The following BRINP1 variants were observed in gnomAD, a reference collection of about 807,000 sequenced individuals.
BRINP1 encodes BMP/retinoic acid-inducible neural-specific protein 1.
In BRINP1, 17 loss-of-function variants were observed where a neutral mutation model predicts 72.9. The ratio of observed to expected loss-of-function variants is 0.23; its 90% CI spans 0.16 to 0.35. BRINP1 has a LOEUF of 0.35. BRINP1 is among the 10% of genes least tolerant of loss of function. The probability of loss-of-function intolerance (pLI) is 1.00; values close to 1 mark genes in which losing one functional copy is unlikely to be tolerated. For synonymous variants in BRINP1, 418 were observed against 378.5 expected, an observed-to-expected ratio of 1.10 and a Z score of -1.21; for missense variants, 850 against 1,001.6, an observed-to-expected ratio of 0.85 and a Z score of 2.04.
intron 1 of BRINP1, among the ~76,000 whole-genome samples, chr9:119,329,229 T>C (rs1010374110): frequency 6.6e-6 from 1 of 152,166 alleles, no homozygotes; most frequent in Non-Finnish European, 1.5e-5. Context: ...TGAATCCAAA[T>C]TCCAATATTT....
At chr9:119,233,102 G>A (rs1354565682) in intron 5 of BRINP1, among the ~76,000 whole-genome samples, 1 of 151,328 alleles carries the variant, frequency 6.6e-6, no homozygotes, top group African/African-American at 2.4e-5. Flanking sequence ...AAAGTCATTA[G>A]AGTGCCATTG....
At chr9:119,362,716 G>A (rs1186934931) in intron 1 of BRINP1, among the ~76,000 whole-genome samples, 1 of 152,012 alleles carries the variant, frequency 6.6e-6, no homozygotes, top group Non-Finnish European at 1.5e-5. Context: ...CCCTACTCTT[G>A]TTTCTCCTCC....
intron 1 of BRINP1, among the ~76,000 whole-genome samples, chr9:119,333,462 C>CA (rs544546221): frequency 0.073 from 4,881 of 67,138 alleles, 150 homozygotes; most frequent in Non-Finnish European, 0.1. Context: ...GACCTTGTTT[C>CA]AAAAAAAAAA....
rs1830015626 is a variant in BRINP1 at position 119,219,449 on chromosome 9, T to A, written c.686-5294A>T. 2.6e-5 allele frequency among the ~76,000 whole-genome samples: 4 copies of A among 152,212 alleles called. No homozygotes were observed. In the South Asian group the frequency reaches 8.3e-4, roughly 32 times the overall value. ...TCTTCTATTAATTTTCCTTCCTTCC[T>A]TCCTGTTTTCCTTCTTTCCTCATTT... On this transcript the variant is annotated intron_variant, in intron 5 of 7. Coordinates refer to ENST00000265922, the MANE Select transcript of BRINP1 (RefSeq NM_014618.3).
intron 1 of BRINP1, among the ~76,000 whole-genome samples, chr9:119,353,590 A>T (rs1460355798): frequency 6.6e-6 from 1 of 152,148 alleles, no homozygotes; most frequent in African/African-American, 2.4e-5. Context: ...TGAGAAATTA[A>T]GAAAACTGTT....
intron 7 of BRINP1, among the ~76,000 whole-genome samples, chr9:119,171,562 A>T (rs1440520028): frequency 1.4e-5 from 2 of 146,942 alleles, no homozygotes; most frequent in Non-Finnish European, 3.0e-5. Flanking sequence ...TGTCAACATT[A>T]GACAGATCAA....
intron 2 of BRINP1, among the ~76,000 whole-genome samples, chr9:119,250,100 GAAA>G (rs1564228752): frequency 2.3e-5 from 2 of 86,240 alleles, no homozygotes; most frequent in Non-Finnish European, 5.1e-5. Flanking sequence ...AAGGAAGGAA[GAAA>G]AGGAAGGAGG....
At chr9:119,172,308 A>C (rs1011227706) in intron 7 of BRINP1, among the ~76,000 whole-genome samples, 1 of 152,008 alleles carries the variant, frequency 6.6e-6, no homozygotes. Context: ...TATCACCACC[A>C]ATCCCACAGA....
rs781329685 is a variant in BRINP1 at position 119,313,172 on chromosome 9, G to T, written c.184C>A (p.Arg62Ser). ...TTATATCTGGTTGTAAATCCTTGAC[G>T]GTGTCTTTCCACAAAGGATAGGTAG... is the stretch of plus-strand genomic sequence containing the variant. ...RSYLSFVERH[R>S]QGFTTRYKIY... is the part of the protein sequence containing the mutation. Residue 62 changes from arginine to serine, a missense_variant, in exon 2 of 8, where the codon CGT becomes AGT. By Grantham distance (110) the Arg-to-Ser change is moderately radical. Coordinates refer to ENST00000265922, the MANE Select transcript of BRINP1 (RefSeq NM_014618.3). The T allele has an allele frequency of 1.9e-6, 3 of 1,613,922 alleles. No homozygotes were observed. Among genetic ancestry groups the T allele is most frequent in the South Asian group, 1.1e-5 (1 of 91,066 alleles).
intron 2 of BRINP1, among the ~76,000 whole-genome samples, chr9:119,260,261 T>G (rs1283356247): frequency 2.0e-5 from 3 of 152,174 alleles, no homozygotes; most frequent in East Asian, 1.9e-4. Flanking sequence ...ATTTTGCAAA[T>G]AAATTTTTAT....
intron 1 of BRINP1, among the ~76,000 whole-genome samples, chr9:119,346,087 A>T (rs542060155): frequency 1.3e-5 from 2 of 152,164 alleles, no homozygotes; most frequent in Non-Finnish European, 2.9e-5. Flanking sequence ...CATTAAATGT[A>T]CTTATTAAGT....
chr9:119,248,466 T>G (rs760905184), intron 3 of BRINP1, among the ~76,000 whole-genome samples: 12 of 152,286 alleles, frequency 7.9e-5, no homozygotes, highest in Non-Finnish European at 1.6e-4. Context: ...TGGGGAGGGA[T>G]GGGTAAGGCT....
chr9:119,214,282 A>AT (rs1411379008), intron 5 of BRINP1, 127 bp from the exon 6 acceptor site: 32 of 696,154 alleles, frequency 4.6e-5, no homozygotes, highest in South Asian at 1.1e-4. Context: ...GAACCAATAT[A>AT]TTTCTGGGCC....
intron 2 of BRINP1, among the ~76,000 whole-genome samples, chr9:119,249,897 G>T (rs1455515312): frequency 2.7e-5 from 3 of 111,736 alleles, no homozygotes; most frequent in African/African-American, 1.2e-4. Context: ...GGAAGGGAGG[G>T]AGAGAGGGAG....
intron 2 of BRINP1, among the ~76,000 whole-genome samples, chr9:119,271,235 T>C (rs1451983636): frequency 6.6e-6 from 1 of 150,696 alleles, no homozygotes; most frequent in East Asian, 2.0e-4. Flanking sequence ...TCAGAAACCC[T>C]CAAGATGAGT....
intron 5 of BRINP1, among the ~76,000 whole-genome samples, chr9:119,228,803 G>A (rs1331644192): frequency 6.6e-6 from 1 of 152,072 alleles, no homozygotes; most frequent in Non-Finnish European, 1.5e-5. Context: ...ATGGGCTTTA[G>A]AACTGAAGCT....
intron 5 of BRINP1, among the ~76,000 whole-genome samples, chr9:119,235,228 C>G (rs975486991): frequency 2.0e-5 from 3 of 152,140 alleles, no homozygotes; most frequent in Non-Finnish European, 4.4e-5. Context: ...TTTAAAAAAC[C>G]ATTCCATGGT....
At chr9:119,235,490 G>A (rs370343691) in intron 5 of BRINP1, among the ~76,000 whole-genome samples, 7 of 152,108 alleles carry the variant, frequency 4.6e-5, no homozygotes, top group East Asian at 3.9e-4. Flanking sequence ...TCCCTGGTAC[G>A]TTAAGTCCCT....
intron 5 of BRINP1, among the ~76,000 whole-genome samples, chr9:119,219,015 A>G (rs1830010700): frequency 6.6e-6 from 1 of 152,066 alleles, no homozygotes; most frequent in Admixed American, 6.6e-5. Flanking sequence ...TTATAAGAAA[A>G]GGAAGAGATG....
Sources: allele counts gnomAD v4.1 joint callset (sites outside exome capture counted in the v4.1 genomes callset), GRCh38; gene constraint gnomAD v4.1.1; transcripts MANE v1.5; gene names NCBI Gene and HGNC (gene_info 2026-07-23, HGNC 2026-07-21).